The following PDE8A variants were observed in gnomAD, a reference collection of about 807,000 sequenced individuals.
PDE8A encodes the protein phosphodiesterase 8A, also known as high affinity cAMP-specific and IBMX-insensitive 3',5'-cyclic phosphodiesterase 8A.
A neutral mutation model predicts 105.0 loss-of-function variants in PDE8A; 59 were observed. The observed-to-expected ratio is 0.56, with a 90% CI of 0.46 to 0.70. The LOEUF (loss-of-function observed/expected upper bound fraction) is 0.70. Among genes scored for constraint, PDE8A ranks in the 30% least tolerant of loss-of-function variants. The pLI is 0.00. For missense variants in PDE8A, 1,014 were observed against 1,045.9 expected (o/e 0.97, Z 0.42); for synonymous variants, 355 against 371.9 (o/e 0.95, Z 0.52).
chr15:85,013,267 TGTG>T (rs1265632087), intron 1 of PDE8A, among the ~76,000 whole-genome samples: 29 of 152,302 alleles, frequency 1.9e-4, no homozygotes, highest in African/African-American at 7.0e-4. Flanking sequence ...GGCTTTGAGA[TGTG>T]GTGGAAAGAA....
chr15:85,104,852 T>C lies in PDE8A; in HGVS notation c.1037-4201T>C, dbSNP rs1029406885. On this transcript the variant is annotated intron_variant, in intron 11 of 21. Transcript: ENST00000394553. ...TACCAAGAAAGGAGTCCAGCAATAA[T>C]AGACGTGAATAATGGCCAGGGGAGC... 2.0e-5 allele frequency among the ~76,000 whole-genome samples: 3 copies of C among 152,094 alleles called. No individual in the cohort carries two copies. In the East Asian group the frequency reaches 5.8e-4, roughly 29 times the overall value.
chr15:85,106,117 C>G (rs570774204), intron 11 of PDE8A, among the ~76,000 whole-genome samples: 1 of 152,030 alleles, frequency 6.6e-6, no homozygotes, highest in East Asian at 1.9e-4. Context: ...GTTAGTCTCC[C>G]TCCACTTTTC....
rs11439217 is a variant in PDE8A at position 84,994,962 on chromosome 15, CAA to C, written c.186+12625_186+12626del. ...GGGCAACAAGGGCGAAACTCTGTCT[CAA>C]AAAAAAAAAAGAGAGAAAAAGCAAT... On this transcript the variant is annotated intron_variant, in intron 1 of 21. Coordinates refer to ENST00000394553, the MANE Select transcript of PDE8A (RefSeq NM_002605.3). Among the ~76,000 whole-genome samples the C allele has an allele frequency of 2.3e-3, 321 of 141,258 alleles. 1 individual carries two copies. The highest frequency in any genetic ancestry group is 7.6e-3 in the African/African-American group (293 of 38,480). The allele number at this position is 141,258 out of a possible 152,430, so 92.7% of individuals were successfully genotyped here. A position where few individuals can be genotyped will look rare whatever the true frequency, so the allele number is the denominator to read the frequency against.
At chr15:85,062,829 A>G (rs2081167332) in intron 1 of PDE8A, 1 of 152,184 alleles carries the variant, frequency 6.6e-6, no homozygotes, top group South Asian at 2.1e-4. Context: ...CCAGTGCAAT[A>G]TTGTCTAGGT....
chr15:84,998,695 G>C (rs930442501), intron 1 of PDE8A, among the ~76,000 whole-genome samples: 2 of 152,062 alleles, frequency 1.3e-5, no homozygotes, highest in African/African-American at 4.8e-5. Context: ...AGGAAGTCTT[G>C]TTCCTTTTTT....
At chr15:85,101,019 G>A (rs1567285757) in intron 11 of PDE8A, among the ~76,000 whole-genome samples, 1 of 152,230 alleles carries the variant, frequency 6.6e-6, no homozygotes, top group Non-Finnish European at 1.5e-5. Flanking sequence ...ATGTGTACAA[G>A]ATACCTGTCC....
chr15:85,105,993 A>G (rs2081942183), intron 11 of PDE8A, among the ~76,000 whole-genome samples: 1 of 152,204 alleles, frequency 6.6e-6, no homozygotes, highest in Non-Finnish European at 1.5e-5. Flanking sequence ...AGAATCATCT[A>G]TAACGTGCTA....
At position 85,137,869 on chromosome 15, in the gene PDE8A, T is replaced by C. The variant is rs1302779652; in HGVS notation, c.2456T>C (p.Met819Thr). The C allele has an allele frequency of 6.2e-7, 1 of 1,613,330 alleles. No homozygotes were observed. The highest frequency in any genetic ancestry group is 8.5e-7 in the Non-Finnish European group (1 of 1,179,288). ...AAATACTGGAAAGGACTGGACGAAA[T>C]GAAGCTGCGGAACCTCCGACCACCT... is the stretch of plus-strand genomic sequence containing the variant. Reference protein sequence around the residue: ...NFKYWKGLDEMKLRNLRPPPE With the variant: ...NFKYWKGLDETKLRNLRPPPE Residue 819 changes from methionine (M) to threonine (T), a missense_variant, in exon 22 of 22, where the codon ATG becomes ACG. Transcript: ENST00000394553.
chr15:85,066,840 G>C (rs1317459049), intron 2 of PDE8A, among the ~76,000 whole-genome samples, 174 bp from the exon 3 acceptor site: 1 of 152,044 alleles, frequency 6.6e-6, no homozygotes, highest in Non-Finnish European at 1.5e-5. Flanking sequence ...CGGCAGGGCT[G>C]AGGTGGGAGA....
intron 1 of PDE8A, among the ~76,000 whole-genome samples, chr15:85,049,415 A>G (rs1157732756): frequency 6.6e-6 from 1 of 152,166 alleles, no homozygotes; most frequent in Non-Finnish European, 1.5e-5. Flanking sequence ...TGACTACTCC[A>G]AGTACCTCAT....
At chr15:85,114,129 A>G in intron 14 of PDE8A, 92 bp downstream of exon 14, 6 of 1,116,218 alleles carry the variant, frequency 5.4e-6, no homozygotes, top group Non-Finnish European at 8.0e-6. Context: ...TTGAAGAGGC[A>G]GGCAGGGCTC....
Position 85,012,922 on chromosome 15 carries a change from CAA to C in PDE8A, c.186+30577_186+30578del, listed in dbSNP as rs999968026. On this transcript the variant is annotated intron_variant, in intron 1 of 21. Coordinates refer to ENST00000394553, the MANE Select transcript of PDE8A (RefSeq NM_002605.3). ...TATAATCACCCTCTTACTTTGGAAACAAAAGAGTGGGAGTGGGAGAATTTTGG... is the reference window on the plus strand; with the variant it reads ...TATAATCACCCTCTTACTTTGGAAACAAGAGTGGGAGTGGGAGAATTTTGG... Among the ~76,000 whole-genome samples the C allele has an allele frequency of 2.6e-4, 39 of 152,036 alleles. 1 individual carries two copies. Among genetic ancestry groups the C allele is most frequent in the African/African-American group, 9.4e-4 (39 of 41,408 alleles).
At chr15:85,018,078 T>C (rs1161708525) in intron 1 of PDE8A, among the ~76,000 whole-genome samples, 1 of 152,168 alleles carries the variant, frequency 6.6e-6, no homozygotes, top group Non-Finnish European at 1.5e-5. Context: ...ACAACCACTT[T>C]GGCTATCAAG....
rs78618849 is a variant in PDE8A at position 85,104,296 on chromosome 15, T to A, written c.1036+4098T>A. 4.6e-4 allele frequency among the ~76,000 whole-genome samples: 70 copies of A among 152,298 alleles called. No homozygotes were observed. The East Asian group carries it at 0.013, about 29-fold the overall frequency. ...TTCCCAGCAATGATGATGATGATGG[T>A]TGACCTGGTGTCTGAAGAGAAGTAG... On this transcript the variant is annotated intron_variant, in intron 11 of 21. Transcript: ENST00000394553.
At chr15:85,125,899 C>G (rs146498774) in intron 19 of PDE8A, among the ~76,000 whole-genome samples, 1 of 151,928 alleles carries the variant, frequency 6.6e-6, no homozygotes, top group African/African-American at 2.4e-5. Flanking sequence ...GAAAAAAAGG[C>G]AACTGTGAGA....
intron 1 of PDE8A, among the ~76,000 whole-genome samples, chr15:84,994,515 C>G (rs1021587207): frequency 6.6e-6 from 1 of 152,170 alleles, no homozygotes; most frequent in Non-Finnish European, 1.5e-5. Context: ...TGAAAAATCT[C>G]AAAATACAGC....
intron 8 of PDE8A, 112 bp from the exon 9 acceptor site, chr15:85,097,835 AT>A: frequency 1.5e-6 from 1 of 651,950 alleles, no homozygotes; most frequent in South Asian, 1.9e-5. Context: ...GGTTGGGATC[AT>A]TTTTTATCTT....
chr15:85,043,798 G>A lies in PDE8A; in HGVS notation c.187-20572G>A, dbSNP rs564557587. Among the ~76,000 whole-genome samples the A allele has an allele frequency of 3.9e-5, 6 of 152,100 alleles. No homozygotes were observed. In the East Asian group the frequency reaches 1.2e-3, roughly 29 times the overall value. On this transcript the variant is annotated intron_variant, in intron 1 of 21. Coordinates refer to ENST00000394553, the MANE Select transcript of PDE8A (RefSeq NM_002605.3). ...CTGCAACCTCTGCCTCCCGGGTTCA[G>A]GTGATTCTCCTGCCTCAGCCTCCTG... is the stretch of plus-strand genomic sequence containing the variant.
At chr15:85,018,023 T>TA (rs1206507874) in intron 1 of PDE8A, among the ~76,000 whole-genome samples, 6 of 152,288 alleles carry the variant, frequency 3.9e-5, no homozygotes, top group African/African-American at 1.2e-4. Flanking sequence ...CTCAATTCTG[T>TA]AGTTATAATA....
Sources: gnomAD v4.1 joint callset for allele counts (sites outside exome capture counted in the v4.1 genomes callset) on GRCh38, gnomAD v4.1.1 for gene constraint, MANE v1.5 for transcripts, NCBI Gene and HGNC (gene_info 2026-07-23, HGNC 2026-07-21) for gene names.